CDC14B: variants seen among roughly 807,000 people sequenced by gnomAD.
The protein encoded by CDC14B is dual specificity protein phosphatase CDC14B.
In CDC14B, 22 loss-of-function variants were observed where a neutral mutation model predicts 64.2. That is an observed-to-expected ratio of 0.34 (90% CI 0.24 to 0.49). CDC14B has a LOEUF of 0.49. CDC14B is among the 20% of genes least tolerant of loss of function. The pLI is 0.99. For missense variants in CDC14B, 498 were observed against 629.9 expected, an observed-to-expected ratio of 0.79 and a Z score of 2.24; for synonymous variants, 191 against 215.8, an observed-to-expected ratio of 0.89 and a Z score of 1.01.
rs758369537 is a variant in CDC14B, at chr9:96,515,710, G to A, written c.1344-5921C>T. On this transcript the variant is annotated intron_variant, in intron 12 of 13. Transcript: ENST00000375241. The surrounding 1 kb of genome is among the most constrained non-coding windows in gnomAD (Gnocchi z 4.3). ...GTTCTGAAACCATCGAGACAGAATA[G>A]CAGGATGGGAAGAATGTAGTCACAA... 6.2e-7 allele frequency: 1 copy of A among 1,605,136 alleles called. No homozygotes were observed. Among genetic ancestry groups the A allele is most frequent in the Non-Finnish European group, 8.5e-7 (1 of 1,176,182 alleles).
Position 96,500,206 on chromosome 9 carries a change from A to T in CDC14B, c.*3547T>A, listed in dbSNP as rs1833432508. 6.5e-6 allele frequency: 1 copy of T among 152,686 alleles called. No individual in the cohort carries two copies. The highest frequency in any genetic ancestry group is 1.5e-5 in the Non-Finnish European group (1 of 68,040). The allele number at this position is 152,686 out of a possible 1,614,324, so 9.5% of individuals were successfully genotyped here. ...CCAGTTACAACCCACAAGATTTTCA[A>T]ATGTGACAATATGTATCAAACTACA... is the stretch of plus-strand genomic sequence containing the variant. On this transcript the variant is annotated 3_prime_UTR_variant, in exon 14 of 14. Transcript: ENST00000375241.
intron 4 of CDC14B, among the ~76,000 whole-genome samples, chr9:96,555,396 C>T (rs1311659757): frequency 2.0e-5 from 3 of 152,168 alleles, no homozygotes; most frequent in African/African-American, 7.2e-5. Context: ...GACTGAGCCC[C>T]CTTAGACATG....
intron 5 of CDC14B, among the ~76,000 whole-genome samples, chr9:96,545,835 G>A (rs752948701): frequency 2.0e-5 from 3 of 151,170 alleles, no homozygotes; most frequent in Non-Finnish European, 4.4e-5. Flanking sequence ...CTGAATATAC[G>A]ACAAGAATCT....
In CDC14B at chr9:96,619,780, C is replaced by G. The variant is rs1226329483; in HGVS notation, c.-402G>C. Reference sequence around the variant, plus strand: ...GCCGCGGCCGCTGCTGCGTAGGCGCCGGGGCACAGCAGGACGCGGCTCGTG... The same window carrying G: ...GCCGCGGCCGCTGCTGCGTAGGCGCGGGGGCACAGCAGGACGCGGCTCGTG... On this transcript the variant is annotated 5_prime_UTR_variant, in exon 1 of 14. Transcript: ENST00000375241. 2 of 151,822 alleles carry G rather than the reference C, an allele frequency of 1.3e-5. No individual in the cohort carries two copies. The highest frequency in any genetic ancestry group is 4.8e-5 in the African/African-American group (2 of 41,412). 9.4% of individuals were successfully genotyped at this position (151,822 alleles called of 1,614,324 possible).
intron 1 of CDC14B, among the ~76,000 whole-genome samples, chr9:96,579,985 T>A (rs963147035): frequency 2.0e-5 from 3 of 152,026 alleles, no homozygotes; most frequent in African/African-American, 7.2e-5. Flanking sequence ...GGACTATATA[T>A]AAATAAAAAA....
At chr9:96,517,273 C>T (rs140589311) in intron 12 of CDC14B, among the ~76,000 whole-genome samples, 1,707 of 150,722 alleles carry the variant, frequency 0.011, 27 homozygotes, top group African/African-American at 0.039. Flanking sequence ...GCTCGGGAGG[C>T]GGAGGTTGCA....
chr9:96,505,518 G>A (rs990246760), intron 13 of CDC14B, among the ~76,000 whole-genome samples: 8 of 152,194 alleles, frequency 5.3e-5, no homozygotes, highest in South Asian at 2.1e-4. Context: ...GCTCTCACTC[G>A]GGGCATGATG....
intron 12 of CDC14B, chr9:96,514,436 G>A (rs1835333387): frequency 2.0e-6 from 2 of 985,262 alleles, no homozygotes. Context: ...AGGTCTGAAT[G>A]CGCGACAATA....
chr9:96,610,649 CAAAAA>C (rs58120277), intron 1 of CDC14B, among the ~76,000 whole-genome samples: 6 of 131,686 alleles, frequency 4.6e-5, no homozygotes, highest in Admixed American at 3.0e-4. Context: ...TAAATGACCA[CAAAAA>C]AAAAAAAACA....
chr9:96,565,775 T>C (rs1429921653), intron 1 of CDC14B, among the ~76,000 whole-genome samples: 2 of 152,230 alleles, frequency 1.3e-5, no homozygotes, highest in African/African-American at 2.4e-5. Flanking sequence ...TTAGCTCCCC[T>C]GGATCAAGAC....
intron 9 of CDC14B, among the ~76,000 whole-genome samples, chr9:96,527,185 C>T (rs1837692248): frequency 6.6e-6 from 1 of 151,858 alleles, no homozygotes; most frequent in Non-Finnish European, 1.5e-5. Context: ...GCAGGTGGAT[C>T]ACAAGAGATC....
chr9:96,541,859 A>C lies in CDC14B; in HGVS notation c.531T>G (p.Ile177Met). ...CTGCATGAAAACAGTCAAGAAGTGT[A>C]ATGTAGAAATTGCAACTTCCATAGG... is the stretch of plus-strand genomic sequence containing the variant. ...DAAYGSCNFY[I>M]TLLDCFHAVK... The change falls in exon 6 of 14, where the codon ATT (isoleucine) becomes ATG (methionine). Residue 177 changes from isoleucine to methionine, a missense_variant. Physicochemically the swap from Ile to Met is conservative, Grantham distance 10 (BLOSUM62 1). Coordinates refer to ENST00000375241, the MANE Select transcript of CDC14B (RefSeq NM_033331.4). 6.2e-7 allele frequency: 1 copy of C among 1,610,014 alleles called. No individual in the cohort carries two copies. Among genetic ancestry groups the C allele is most frequent in the Non-Finnish European group, 8.5e-7 (1 of 1,177,172 alleles).
At chr9:96,572,468 A>G (rs1270938776) in intron 1 of CDC14B, among the ~76,000 whole-genome samples, 1 of 152,176 alleles carries the variant, frequency 6.6e-6, no homozygotes. Context: ...CACACATATT[A>G]CAGAGGTCTT....
intron 1 of CDC14B, among the ~76,000 whole-genome samples, chr9:96,592,121 C>G (rs1845826729): frequency 6.6e-6 from 1 of 152,142 alleles, no homozygotes; most frequent in Admixed American, 6.6e-5. Context: ...CTCTTTTGCC[C>G]AGGCTGGAGT....
At chr9:96,517,832 T>G (rs1371484998) in intron 12 of CDC14B, among the ~76,000 whole-genome samples, 2 of 141,550 alleles carry the variant, frequency 1.4e-5, no homozygotes, top group Admixed American at 7.0e-5. Context: ...CCATGCCCAG[T>G]TTTTTTTTTT....
chr9:96,523,151 A>G, intron 11 of CDC14B, 110 bp downstream of exon 11: 1 of 1,179,630 alleles, frequency 8.5e-7, no homozygotes. Context: ...AAAACTGACA[A>G]TCATCCAAGA....
rs1293630563 is a variant in CDC14B at position 96,514,639 on chromosome 9, CT to C, written c.1344-4851del. 7.1e-6 allele frequency: 7 copies of C among 985,378 alleles called. No homozygotes were observed. In the Admixed American group the frequency reaches 2.5e-4, roughly 35 times the overall value. 61.0% of individuals were successfully genotyped at this position (985,378 alleles called of 1,614,324 possible). A position where few individuals can be genotyped will look rare whatever the true frequency, so the allele number is the denominator to read the frequency against. ...TCTTTGGAAGAGATCTTGCAAGGAA[CT>C]TTTGCATTCTTTCATAACTTCCAAG... is the stretch of plus-strand genomic sequence containing the variant. On this transcript the variant is annotated intron_variant, in intron 12 of 13. Transcript: ENST00000375241.
At chr9:96,560,759 C>T (rs919000036) in intron 4 of CDC14B, among the ~76,000 whole-genome samples, 18 of 132,490 alleles carry the variant, frequency 1.4e-4, no homozygotes, top group African/African-American at 4.7e-4. Flanking sequence ...ACTACTCAAA[C>T]TTTTTTTTTT....
At chr9:96,491,429 A>G (rs1454730682) in exon 14 of CDC14B, 1 of 152,188 alleles carries the variant, frequency 6.6e-6, no homozygotes, top group Admixed American at 6.5e-5. Context: ...CATACACGTT[A>G]GGGTCAGTTA....
Sources: allele counts gnomAD v4.1 joint callset (sites outside exome capture counted in the v4.1 genomes callset), GRCh38; gene constraint gnomAD v4.1.1; non-coding constraint Gnocchi (gnomAD v3.1); transcripts MANE v1.5; gene names NCBI Gene and HGNC (gene_info 2026-07-23, HGNC 2026-07-21).